TASP1: variants seen among roughly 807,000 people sequenced by gnomAD.
TASP1 encodes taspase 1, also known as threonine aspartase 1.
A neutral mutation model predicts 56.6 loss-of-function variants in TASP1; 16 were observed. The observed-to-expected ratio is 0.28, with a 90% CI of 0.19 to 0.43. The LOEUF is 0.43. TASP1 is among the 20% of genes least tolerant of loss of function. The pLI, the probability that TASP1 is intolerant of heterozygous loss-of-function variation, is 1.00. For synonymous variants in TASP1, 179 were observed against 184.2 expected (o/e 0.97, Z 0.23); for missense variants, 393 against 511.6 (o/e 0.77, Z 2.24).
intron 11 of TASP1, among the ~76,000 whole-genome samples, chr20:13,450,260 A>C (rs1448399753): frequency 6.6e-6 from 1 of 152,082 alleles, no homozygotes; most frequent in African/African-American, 2.4e-5. Context: ...CTCGATGTTG[A>C]AGGCTGCTGT....
intron 10 of TASP1, among the ~76,000 whole-genome samples, chr20:13,486,056 C>G (rs1238271863): frequency 6.6e-6 from 1 of 152,122 alleles, no homozygotes; most frequent in Non-Finnish European, 1.5e-5. Context: ...GACTTATACT[C>G]TCTGACATTG....
At chr20:13,148,564 G>C in the TASP1 span, among the ~76,000 whole-genome samples, 1 of 152,182 alleles carries the variant, frequency 6.6e-6, no homozygotes, top group Non-Finnish European at 1.5e-5. Flanking sequence ...TGCCAAACAA[G>C]AGGCTACCAC....
chr20:13,509,124 AGTGTGTGT>A lies in TASP1; in HGVS notation c.874+19301_874+19308del, dbSNP rs71334125. On this transcript the variant is annotated intron_variant, in intron 10 of 13. Transcript: ENST00000337743. ...AATGAATGAATGAATGAATGAAGAA[AGTGTGTGT>A]GTGTGTGTGTGTGTGTGTGTGTGTG... Among the ~76,000 whole-genome samples, 301 of 142,876 alleles carry A rather than the reference AGTGTGTGT, an allele frequency of 2.1e-3. 1 individual carries two copies. The highest frequency in any genetic ancestry group is 4.4e-3 in the African/African-American group (170 of 38,568). 93.7% of individuals were successfully genotyped at this position (142,876 alleles called of 152,430 possible).
At chr20:13,608,530 G>A (rs1342452464) in intron 4 of TASP1, among the ~76,000 whole-genome samples, 1 of 152,224 alleles carries the variant, frequency 6.6e-6, no homozygotes, top group Non-Finnish European at 1.5e-5. Context: ...CTCTGCCACT[G>A]TAGCACAAAA....
the TASP1 span, among the ~76,000 whole-genome samples, chr20:13,174,662 G>A: frequency 3.3e-5 from 5 of 150,470 alleles, no homozygotes; most frequent in Non-Finnish European, 7.4e-5. Context: ...TGCAGCCACT[G>A]TACTCCAGCC....
intron 7 of TASP1, among the ~76,000 whole-genome samples, chr20:13,569,141 AG>A (rs2046631070): frequency 6.6e-6 from 1 of 152,082 alleles, no homozygotes; most frequent in Non-Finnish European, 1.5e-5. Flanking sequence ...GTATCTAAAA[AG>A]TCCTTCCCTC....
At chr20:13,256,626 GGA>G in the TASP1 span, among the ~76,000 whole-genome samples, 6 of 152,262 alleles carry the variant, frequency 3.9e-5, 1 homozygote, top group African/African-American at 1.4e-4. Flanking sequence ...GGACCTTTTT[GGA>G]GAGGCTGGCA....
the TASP1 span, among the ~76,000 whole-genome samples, chr20:13,201,823 G>A: frequency 2.7e-5 from 4 of 150,178 alleles, no homozygotes; most frequent in Admixed American, 1.3e-4. Context: ...GTGCCATCTC[G>A]GCTCACTGCA....
intron 11 of TASP1, among the ~76,000 whole-genome samples, chr20:13,452,066 GA>G (rs1303748510): frequency 1.1e-4 from 17 of 152,028 alleles, no homozygotes; most frequent in Admixed American, 1.1e-3. Context: ...AGTCTTTTAT[GA>G]CCACAGTTTG....
intron 4 of TASP1, among the ~76,000 whole-genome samples, chr20:13,615,483 G>C (rs371272916): frequency 6.7e-6 from 1 of 150,000 alleles, no homozygotes; most frequent in Non-Finnish European, 1.5e-5. Context: ...GCAAGATTTA[G>C]AATCTTGATG....
At chr20:13,460,509 A>C (rs568395122) in intron 11 of TASP1, among the ~76,000 whole-genome samples, 1 of 152,286 alleles carries the variant, frequency 6.6e-6, no homozygotes. Context: ...TTATCCCTGA[A>C]CTTGACACTT....
chr20:13,545,745 G>T (rs2045785917), intron 8 of TASP1, among the ~76,000 whole-genome samples: 1 of 152,046 alleles, frequency 6.6e-6, no homozygotes, highest in Non-Finnish European at 1.5e-5. Flanking sequence ...CATTTAGGCT[G>T]CCTACCTGCC....
At chr20:13,371,469 A>T in the TASP1 span, among the ~76,000 whole-genome samples, 17 of 112,226 alleles carry the variant, frequency 1.5e-4, no homozygotes, top group Admixed American at 8.0e-4. Context: ...AATTTCCCAA[A>T]TCTTTCTGTT....
chr20:13,118,460 C>A, the TASP1 span, among the ~76,000 whole-genome samples: 74,869 of 124,020 alleles, frequency 0.6, 23,015 homozygotes, highest in Admixed American at 0.69. Context: ...AAAAAAAAAA[C>A]AAAAAAAAAC....
chr20:13,243,107 C>T, the TASP1 span, among the ~76,000 whole-genome samples: 15 of 151,632 alleles, frequency 9.9e-5, no homozygotes, highest in African/African-American at 2.9e-4. Flanking sequence ...ACTGTGACTG[C>T]GTGGCTTGGG....
the TASP1 span, chr20:13,117,804 T>A: frequency 7.4e-7 from 1 of 1,348,618 alleles, no homozygotes; most frequent in Non-Finnish European, 1.0e-6. Flanking sequence ...CTGAATTTCA[T>A]GAAAGCTTCA....
the TASP1 span, among the ~76,000 whole-genome samples, chr20:13,182,497 A>G: frequency 6.0e-4 from 91 of 151,506 alleles, 1 homozygote; most frequent in East Asian, 0.016. Context: ...CTCTGTTTTT[A>G]CTCTTCTGTC....
intron 11 of TASP1, among the ~76,000 whole-genome samples, chr20:13,469,550 G>A (rs1307220351): frequency 6.6e-6 from 1 of 151,864 alleles, no homozygotes; most frequent in Admixed American, 6.6e-5. Flanking sequence ...TTTCCTATTT[G>A]TAAGAAGAAA....
chr20:13,416,232 G>A (rs1300613555), intron 13 of TASP1, among the ~76,000 whole-genome samples: 1 of 152,134 alleles, frequency 6.6e-6, no homozygotes, highest in Non-Finnish European at 1.5e-5. Context: ...AGACAGTGCT[G>A]TTCTAAACCC....
Sources: allele counts gnomAD v4.1 joint callset (sites outside exome capture counted in the v4.1 genomes callset), GRCh38; gene constraint gnomAD v4.1.1; transcripts MANE v1.5; gene names NCBI Gene and HGNC (gene_info 2026-07-23, HGNC 2026-07-21).